ZFYVE9: variants seen among roughly 807,000 people sequenced by gnomAD.
ZFYVE9 encodes the protein zinc finger FYVE-type containing 9.
In ZFYVE9, 43 loss-of-function variants were observed where a neutral mutation model predicts 126.7. The observed-to-expected ratio is 0.34, with a 90% CI of 0.27 to 0.44. ZFYVE9 has a LOEUF of 0.44. Ranked by LOEUF, ZFYVE9 falls within the 20% of genes least tolerant of loss-of-function variation. The pLI is 1.00. For synonymous variants in ZFYVE9, 521 were observed against 597.4 expected (o/e 0.87, Z 1.87); for missense variants, 1,476 against 1,697.0 (o/e 0.87, Z 2.29).
chr1:52,270,604 A>T (rs1213267678), intron 7 of ZFYVE9, among the ~76,000 whole-genome samples: 1 of 152,174 alleles, frequency 6.6e-6, no homozygotes, highest in Non-Finnish European at 1.5e-5. Context: ...GCACAGATAT[A>T]TTAATTTTTA....
At chr1:52,193,797 C>G (rs545020593) in intron 1 of ZFYVE9, among the ~76,000 whole-genome samples, 6 of 151,346 alleles carry the variant, frequency 4.0e-5, no homozygotes, top group Admixed American at 3.3e-4. Context: ...CAAACACACA[C>G]GCACGCGCGC....
chr1:52,312,239 A>G (rs1646143180), intron 13 of ZFYVE9, among the ~76,000 whole-genome samples: 1 of 152,246 alleles, frequency 6.6e-6, no homozygotes, highest in Admixed American at 6.5e-5. Flanking sequence ...GCGAAGACTC[A>G]AAACATCATT....
chr1:52,234,575 C>T (rs1361928736), intron 3 of ZFYVE9, among the ~76,000 whole-genome samples: 2 of 152,268 alleles, frequency 1.3e-5, no homozygotes, highest in East Asian at 3.9e-4. Flanking sequence ...GACTTTGTTA[C>T]TTTAGATATT....
chr1:52,272,530 A>G (rs867616380), intron 7 of ZFYVE9, among the ~76,000 whole-genome samples: 10 of 152,314 alleles, frequency 6.6e-5, no homozygotes, highest in Middle Eastern at 3.4e-3. Flanking sequence ...ATTTATCCAT[A>G]TGCATCAAAA....
At chr1:52,168,937 C>A (rs1644539016) in intron 1 of ZFYVE9, among the ~76,000 whole-genome samples, 1 of 152,032 alleles carries the variant, frequency 6.6e-6, no homozygotes, top group African/African-American at 2.4e-5. Flanking sequence ...AATCTGACCC[C>A]CCTGGAAACT....
At chr1:52,161,346 G>A (rs1644457329) in intron 1 of ZFYVE9, among the ~76,000 whole-genome samples, 1 of 152,108 alleles carries the variant, frequency 6.6e-6, no homozygotes, top group South Asian at 2.1e-4. Context: ...CTGGAGTGCA[G>A]TGGCGCAATC....
chr1:52,210,480 A>C (rs1320491832), intron 1 of ZFYVE9, among the ~76,000 whole-genome samples: 8 of 152,074 alleles, frequency 5.3e-5, no homozygotes, highest in Non-Finnish European at 1.0e-4. Context: ...CCCTGTCCCT[A>C]TTAAGGTTTT....
At chr1:52,260,973 G>A (rs1645574196) in intron 4 of ZFYVE9, among the ~76,000 whole-genome samples, 1 of 151,956 alleles carries the variant, frequency 6.6e-6, no homozygotes, top group Non-Finnish European at 1.5e-5. Flanking sequence ...TTATTTGGTG[G>A]GTCCATGCTT....
At position 52,238,903 on chromosome 1, in the gene ZFYVE9, C is replaced by G. The variant is rs1454896998; in HGVS notation, c.1486C>G (p.Pro496Ala). Residue 496 changes from proline (P) to alanine (A), a missense_variant, in exon 4 of 19, where the codon CCC (proline) becomes GCC (alanine). By Grantham distance (27) the Pro-to-Ala change is conservative. This residue lies in a region of ZFYVE9 where 807 missense variants were observed against 794.6 expected (regional missense o/e 1.02). Coordinates refer to ENST00000287727, the MANE Select transcript of ZFYVE9 (RefSeq NM_004799.4). ...TGTTTCTTTTGTTCCAAAGACTTTA[C>G]CCTCCAAAGAAGATTCAGTAACAGA... ...PGVSFVPKTL[P>A]SKEDSVTEEK... 4 of 1,613,776 alleles carry G rather than the reference C, an allele frequency of 2.5e-6. No homozygotes were observed. In the Admixed American group the frequency reaches 6.7e-5, roughly 27 times the overall value.
At chr1:52,212,176 ACT>A (rs1302273731) in intron 1 of ZFYVE9, among the ~76,000 whole-genome samples, 1 of 152,064 alleles carries the variant, frequency 6.6e-6, no homozygotes, top group Non-Finnish European at 1.5e-5. Flanking sequence ...ACAAGGTCTG[ACT>A]CTGTTGCCCA....
chr1:52,165,849 A>T (rs1458993675), intron 1 of ZFYVE9, among the ~76,000 whole-genome samples: 1 of 152,248 alleles, frequency 6.6e-6, no homozygotes, highest in Non-Finnish European at 1.5e-5. Context: ...CATATAAATA[A>T]TAACAGCAAA....
chr1:52,204,285 C>G (rs964123820), intron 1 of ZFYVE9, among the ~76,000 whole-genome samples: 2 of 152,124 alleles, frequency 1.3e-5, no homozygotes, highest in African/African-American at 4.8e-5. Context: ...AAGTGCTTCT[C>G]AGTTTTCTCC....
intron 18 of ZFYVE9, 114 bp from the exon 19 acceptor site, chr1:52,345,946 G>A (rs762801589): frequency 3.5e-5 from 39 of 1,124,606 alleles, no homozygotes; most frequent in Non-Finnish European, 4.4e-5. Context: ...ACTGCCATAT[G>A]TTTAGCCTAT....
At chr1:52,184,013 A>C (rs557909963) in intron 1 of ZFYVE9, among the ~76,000 whole-genome samples, 9 of 151,040 alleles carry the variant, frequency 6.0e-5, no homozygotes, top group Admixed American at 5.3e-4. Context: ...TTTTTATAAA[A>C]ATAATTTTTA....
intron 4 of ZFYVE9, among the ~76,000 whole-genome samples, chr1:52,260,741 C>G (rs1280469905): frequency 1.3e-5 from 2 of 152,036 alleles, no homozygotes; most frequent in Admixed American, 1.3e-4. Flanking sequence ...GGCTTGAACC[C>G]TAGAGGCGGA....
At chr1:52,211,778 A>G (rs535187856) in intron 1 of ZFYVE9, among the ~76,000 whole-genome samples, 1 of 152,364 alleles carries the variant, frequency 6.6e-6, no homozygotes, top group Non-Finnish European at 1.5e-5. Context: ...TCTTTAACTG[A>G]TAATATTTTC....
intron 13 of ZFYVE9, among the ~76,000 whole-genome samples, chr1:52,317,576 C>G (rs1646197953): frequency 6.6e-6 from 1 of 151,226 alleles, no homozygotes; most frequent in Non-Finnish European, 1.5e-5. Context: ...AAATGAAATA[C>G]AAAATAGAAG....
At chr1:52,300,086 G>A (rs1646018874) in intron 12 of ZFYVE9, among the ~76,000 whole-genome samples, 1 of 152,138 alleles carries the variant, frequency 6.6e-6, no homozygotes, top group Non-Finnish European at 1.5e-5. Flanking sequence ...CTTCGCTCCC[G>A]TCTCTGTGGT....
At chr1:52,158,514 G>A (rs911926645) in intron 1 of ZFYVE9, among the ~76,000 whole-genome samples, 5 of 152,196 alleles carry the variant, frequency 3.3e-5, no homozygotes, top group Non-Finnish European at 5.9e-5. Flanking sequence ...TTTGGGGGCA[G>A]CCATCTATCC....
Sources: allele counts gnomAD v4.1 joint callset (sites outside exome capture counted in the v4.1 genomes callset), GRCh38; gene constraint gnomAD v4.1.1; regional missense constraint gnomAD v4.1.1; transcripts MANE v1.5; gene names NCBI Gene and HGNC (gene_info 2026-07-23, HGNC 2026-07-21).